CNOT2: variants seen among roughly 807,000 people sequenced by gnomAD.
CNOT2 encodes the protein CC chemokine receptor 4-negative regulator of transcription 2.
A neutral mutation model predicts 72.1 loss-of-function variants in CNOT2; 7 were observed. The observed-to-expected ratio is 0.10, with a 90% CI of 0.06 to 0.18. CNOT2 has a LOEUF of 0.18. CNOT2 is among the 10% of genes least tolerant of loss of function. CNOT2 has a pLI of 1.00. For synonymous variants in CNOT2, 196 were observed against 225.6 expected (o/e 0.87, Z 1.17); for missense variants, 345 against 660.3 (o/e 0.52, Z 5.23).
In CNOT2 at chr12:70,349,481, T is replaced by C. The variant is rs561309917; in HGVS notation, c.1536+3157T>C. Reference sequence around the variant, plus strand: ...AAAGGTACTGAACTGGTCTACACCATAATCCTGGAGTCCATTCATAATATT... The same window carrying C: ...AAAGGTACTGAACTGGTCTACACCACAATCCTGGAGTCCATTCATAATATT... On this transcript the variant is annotated intron_variant, in intron 15 of 15. Transcript: ENST00000229195. 4.6e-5 allele frequency among the ~76,000 whole-genome samples: 7 copies of C among 152,318 alleles called. No homozygotes were observed. The East Asian group carries it at 1.3e-3, about 29-fold the overall frequency.
At position 70,311,011 on chromosome 12, in the gene CNOT2, A is replaced by G; in HGVS notation, c.165A>G (p.Glu55=). 6.3e-7 allele frequency: 1 copy of G among 1,599,160 alleles called. No homozygotes were observed. Among genetic ancestry groups the G allele is most frequent in the Non-Finnish European group, 8.6e-7 (1 of 1,167,508 alleles). Residue 55 remains glutamate, a synonymous_variant, in exon 3 of 16, where the codon GAA becomes GAG. Transcript: ENST00000229195. ...SQSSMFPHRS[E]KDMLASPSTS... ...CTTCTATGTTTCCACATCGGTCAGA[A>G]AAAGATGTAAGTTAATCAATTATGT...
At chr12:70,250,626 TG>T (rs1398408657) in intron 1 of CNOT2, among the ~76,000 whole-genome samples, 1 of 151,808 alleles carries the variant, frequency 6.6e-6, no homozygotes, top group African/African-American at 2.4e-5. Context: ...TGATTAGAAA[TG>T]GAAAAAAGAT....
chr12:70,265,305 C>T (rs1565743365), intron 1 of CNOT2, among the ~76,000 whole-genome samples: 1 of 145,970 alleles, frequency 6.9e-6, no homozygotes. Flanking sequence ...CTTCTCTTCT[C>T]TTCTCTTCTC....
intron 4 of CNOT2, among the ~76,000 whole-genome samples, chr12:70,320,360 G>A (rs187538562): frequency 9.9e-5 from 15 of 151,722 alleles, no homozygotes; most frequent in Non-Finnish European, 1.9e-4. Context: ...ATTCGAAGTG[G>A]GAGGATGAAA....
intron 2 of CNOT2, among the ~76,000 whole-genome samples, chr12:70,298,441 C>G (rs1271382006): frequency 6.6e-6 from 1 of 152,144 alleles, no homozygotes; most frequent in African/African-American, 2.4e-5. Flanking sequence ...AACCCATCTC[C>G]GCATTTATCA....
At chr12:70,339,610 C>T (rs1325314593) in intron 11 of CNOT2, among the ~76,000 whole-genome samples, 1 of 152,142 alleles carries the variant, frequency 6.6e-6, no homozygotes, top group Non-Finnish European at 1.5e-5. Flanking sequence ...GCCTGGTCTT[C>T]CTTTATTTTC....
At chr12:70,341,859 T>C in intron 11 of CNOT2, 1 of 467,368 alleles carries the variant, frequency 2.1e-6, no homozygotes. Context: ...ATGTTTTGTA[T>C]ATTGTGATAT....
At chr12:70,303,408 C>T (rs1874501438) in intron 2 of CNOT2, among the ~76,000 whole-genome samples, 1 of 151,950 alleles carries the variant, frequency 6.6e-6, no homozygotes, top group African/African-American at 2.4e-5. Flanking sequence ...TTAGGGCAGG[C>T]CTGGTGGTGA....
intron 2 of CNOT2, among the ~76,000 whole-genome samples, chr12:70,304,081 G>C (rs1465926560): frequency 6.6e-6 from 1 of 151,958 alleles, no homozygotes; most frequent in African/African-American, 2.4e-5. Flanking sequence ...TCTCTGCATT[G>C]GTTATTCTAG....
At chr12:70,298,369 T>G (rs1167288522) in intron 2 of CNOT2, among the ~76,000 whole-genome samples, 1 of 152,202 alleles carries the variant, frequency 6.6e-6, no homozygotes, top group Non-Finnish European at 1.5e-5. Flanking sequence ...AGTTGTATAT[T>G]TGAGAGTCAG....
In CNOT2 at chr12:70,304,096, C is replaced by G. The variant is rs150325273; in HGVS notation, c.49-6799C>G. On this transcript the variant is annotated intron_variant, in intron 2 of 15. Transcript: ENST00000229195. Reference sequence around the variant, plus strand: ...TCTCTGCATTGGTTATTCTAGTTATCCATTCGTCTAATTTTTTTTCAAGGT... The same window carrying G: ...TCTCTGCATTGGTTATTCTAGTTATGCATTCGTCTAATTTTTTTTCAAGGT... 3.5e-4 allele frequency among the ~76,000 whole-genome samples: 54 copies of G among 152,182 alleles called. No homozygotes were observed. The East Asian group carries it at 9.9e-3, about 28-fold the overall frequency.
At position 70,329,422 on chromosome 12, in the gene CNOT2, G is replaced by A; in HGVS notation, c.239-1G>A. Reference sequence around the variant, plus strand: ...TTCCTTCTTCTGAATTTTTTTATTAGGTGCACTAGGCCTTCCAATGAGGGG... The same window carrying A: ...TTCCTTCTTCTGAATTTTTTTATTAAGTGCACTAGGCCTTCCAATGAGGGG... On this transcript the variant is annotated splice_acceptor_variant, in intron 4 of 15. Transcript: ENST00000229195. LOFTEE classifies it high-confidence loss of function. The A allele has an allele frequency of 6.2e-7, 1 of 1,603,336 alleles. No homozygotes were observed. The highest frequency in any genetic ancestry group is 8.5e-7 in the Non-Finnish European group (1 of 1,173,118).
intron 2 of CNOT2, among the ~76,000 whole-genome samples, chr12:70,282,038 A>G (rs1478036321): frequency 6.6e-6 from 1 of 152,298 alleles, no homozygotes; most frequent in East Asian, 1.9e-4. Flanking sequence ...CTGGGACCGT[A>G]TCTGTTTATT....
chr12:70,315,635 T>C (rs1877202472), intron 3 of CNOT2, among the ~76,000 whole-genome samples: 1 of 152,218 alleles, frequency 6.6e-6, no homozygotes, highest in Admixed American at 6.5e-5. Flanking sequence ...GTTAGGGGAA[T>C]AACCAGAATC....
intron 12 of CNOT2, 33 bp from the exon 13 acceptor site, chr12:70,342,225 A>G: frequency 6.2e-7 from 1 of 1,612,966 alleles, no homozygotes; most frequent in South Asian, 1.1e-5. Flanking sequence ...ATTGAGAATC[A>G]GTTAATAAGG....
intron 1 of CNOT2, among the ~76,000 whole-genome samples, chr12:70,259,608 T>TAA (rs1958647044): frequency 6.6e-6 from 1 of 152,184 alleles, no homozygotes; most frequent in South Asian, 2.1e-4. Context: ...GGTTTGTAGG[T>TAA]ACTGCATTGT....
At chr12:70,343,928 A>T in intron 13 of CNOT2, 200 bp from the exon 14 acceptor site, 1 of 443,460 alleles carries the variant, frequency 2.3e-6, no homozygotes. Context: ...ATAATTGTTT[A>T]AATGACTTCA....
At chr12:70,301,263 T>A (rs1417323958) in intron 2 of CNOT2, among the ~76,000 whole-genome samples, 1 of 152,190 alleles carries the variant, frequency 6.6e-6, no homozygotes, top group Non-Finnish European at 1.5e-5. Context: ...CTGTGTTGAA[T>A]AGGAGTGGTG....
chr12:70,311,449 A>G (rs927671917), intron 3 of CNOT2, among the ~76,000 whole-genome samples: 1 of 152,016 alleles, frequency 6.6e-6, no homozygotes, highest in Non-Finnish European at 1.5e-5. Context: ...TCTAGCTGTA[A>G]TTCTGGACCT....
Sources: allele counts gnomAD v4.1 joint callset (sites outside exome capture counted in the v4.1 genomes callset), GRCh38; gene constraint gnomAD v4.1.1; transcripts MANE v1.5; gene names NCBI Gene and HGNC (gene_info 2026-07-23, HGNC 2026-07-21).